DLGAP2: variants seen among roughly 807,000 people sequenced by gnomAD.
DLGAP2 encodes disks large-associated protein 2.
DLGAP2 carries 26 observed loss-of-function variants against 100.3 expected under a neutral mutation model. The observed-to-expected ratio is 0.26, with a 90% confidence interval of 0.19 to 0.36. The LOEUF (loss-of-function observed/expected upper bound fraction) is 0.36. Among genes scored for constraint, DLGAP2 ranks in the 10% least tolerant of loss-of-function variants. DLGAP2 has a pLI of 1.00. For missense variants in DLGAP2, 1,858 were observed against 1,453.2 expected, an observed-to-expected ratio of 1.28 and a Z score of -4.53; for synonymous variants, 886 against 630.1, an observed-to-expected ratio of 1.41 and a Z score of -6.08.
chr8:1,209,556 A>T (rs1233527238), intron 2 of DLGAP2, among the ~76,000 whole-genome samples: 1 of 152,170 alleles, frequency 6.6e-6, no homozygotes, highest in African/African-American at 2.4e-5. Context: ...ATACTACTCT[A>T]ATAAATTCCT....
chr8:1,646,530 G>T lies in DLGAP2; in HGVS notation c.1810+13484G>T, dbSNP rs190142061. 1.5e-3 allele frequency among the ~76,000 whole-genome samples: 230 copies of T among 152,178 alleles called. 1 individual carries two copies. In the Middle Eastern group the frequency reaches 0.027, roughly 18 times the overall value. ...ATACCCTTAAAGGGTATTTTTTCAG[G>T]TTCTGTATTTAAAATGATCAGAGAA... On this transcript the variant is annotated intron_variant, in intron 8 of 14. Coordinates refer to ENST00000637795, the MANE Select transcript of DLGAP2 (RefSeq NM_001346810.2).
chr8:1,479,613 T>C (rs1799033685), intron 3 of DLGAP2, among the ~76,000 whole-genome samples: 1 of 151,968 alleles, frequency 6.6e-6, no homozygotes, highest in East Asian at 1.9e-4. Context: ...AAGCAATAAA[T>C]GGTAGAGTTT....
At chr8:1,091,852 C>G (rs1804193254) in intron 2 of DLGAP2, among the ~76,000 whole-genome samples, 2 of 152,202 alleles carry the variant, frequency 1.3e-5, no homozygotes, top group African/African-American at 2.4e-5. Flanking sequence ...CCTGCCTTCC[C>G]CCTTTTCCCT....
At chr8:1,203,117 T>G (rs866670475) in intron 2 of DLGAP2, among the ~76,000 whole-genome samples, 52 of 147,638 alleles carry the variant, frequency 3.5e-4, no homozygotes, top group Middle Eastern at 3.5e-3. Context: ...TTTGTTTGTT[T>G]GTTAGTTCGT....
chr8:957,400 C>T (rs949250471), intron 2 of DLGAP2, among the ~76,000 whole-genome samples: 2 of 152,214 alleles, frequency 1.3e-5, no homozygotes, highest in East Asian at 3.9e-4. Flanking sequence ...CGCAGGGCTG[C>T]TGTGTCTTGG....
At chr8:1,618,902 G>A (rs1226360483) in intron 6 of DLGAP2, among the ~76,000 whole-genome samples, 2 of 152,104 alleles carry the variant, frequency 1.3e-5, no homozygotes, top group African/African-American at 4.8e-5. Flanking sequence ...CTAAATTGTG[G>A]CAAACTCAAA....
intron 3 of DLGAP2, among the ~76,000 whole-genome samples, chr8:1,324,887 G>A (rs28658015): frequency 0.19 from 29,645 of 152,162 alleles, 4,150 homozygotes; most frequent in African/African-American, 0.39. Flanking sequence ...CAAGAATAAA[G>A]GAAGACTCCA....
intron 3 of DLGAP2, among the ~76,000 whole-genome samples, chr8:1,454,276 C>T (rs1798243920): frequency 6.6e-6 from 1 of 152,202 alleles, no homozygotes; most frequent in Non-Finnish European, 1.5e-5. Flanking sequence ...TGGCCGAGTT[C>T]CACTGCCAGC....
intron 2 of DLGAP2, among the ~76,000 whole-genome samples, chr8:1,204,119 G>T (rs1403141063): frequency 6.6e-6 from 1 of 152,242 alleles, no homozygotes; most frequent in Admixed American, 6.5e-5. Flanking sequence ...CTCTGAAAAG[G>T]TTGCCATACA....
At position 1,302,417 on chromosome 8, in the gene DLGAP2, C is replaced by A. The variant is rs1554438365; in HGVS notation, c.106+43534C>A. ...CGGACTCAGCATTTTCTGTGAGTTC[C>A]CGAGCTCTGCTCCACACCTGGGACC... On this transcript the variant is annotated intron_variant, in intron 3 of 14. Transcript: ENST00000637795. 6.0e-5 allele frequency: 7 copies of A among 116,012 alleles called. 1 individual carries two copies. The highest frequency in any genetic ancestry group is 1.9e-4 in the African/African-American group (6 of 31,940). The allele number at this position is 116,012 out of a possible 1,614,324, so 7.2% of individuals were successfully genotyped here. A position where few individuals can be genotyped will look rare whatever the true frequency, so the allele number is the denominator to read the frequency against.
chr8:1,485,238 A>C (rs75489679), intron 3 of DLGAP2, among the ~76,000 whole-genome samples: 2,700 of 152,266 alleles, frequency 0.018, 79 homozygotes, highest in African/African-American at 0.059. Context: ...TTTTTTGTAT[A>C]ATTTTGATTA....
chr8:795,267 C>T (rs929607938), intron 1 of DLGAP2, among the ~76,000 whole-genome samples: 2 of 152,198 alleles, frequency 1.3e-5, no homozygotes, highest in African/African-American at 4.8e-5. Flanking sequence ...ATTTGTGTTT[C>T]TGCTTAGACA....
At chr8:1,596,028 C>T (rs1584970769) in intron 6 of DLGAP2, among the ~76,000 whole-genome samples, 1 of 149,948 alleles carries the variant, frequency 6.7e-6, no homozygotes, top group African/African-American at 2.5e-5. Context: ...CCCTAGCTCC[C>T]CACCCCCCAA....
chr8:1,321,451 G>A (rs1429434849), intron 3 of DLGAP2, among the ~76,000 whole-genome samples: 2 of 152,172 alleles, frequency 1.3e-5, no homozygotes, highest in Non-Finnish European at 1.5e-5. Context: ...GTCTCTGCAT[G>A]TGTGCGTGCA....
intron 6 of DLGAP2, among the ~76,000 whole-genome samples, chr8:1,624,613 A>G (rs935810039): frequency 7.2e-5 from 11 of 151,870 alleles, no homozygotes; most frequent in African/African-American, 2.7e-4. Flanking sequence ...AGCCAAGGTC[A>G]GGGATCCGTG....
At chr8:889,347 G>T (rs1052004737) in intron 1 of DLGAP2, among the ~76,000 whole-genome samples, 2 of 152,238 alleles carry the variant, frequency 1.3e-5, no homozygotes, top group South Asian at 4.2e-4. Context: ...TTCACTGCAG[G>T]GAAGCACATG....
At chr8:1,512,331 T>G (rs1013629365) in intron 4 of DLGAP2, among the ~76,000 whole-genome samples, 3 of 152,208 alleles carry the variant, frequency 2.0e-5, no homozygotes, top group Admixed American at 6.5e-5. Context: ...ATCAAAGTTG[T>G]TTATTTCACA....
intron 2 of DLGAP2, among the ~76,000 whole-genome samples, chr8:950,207 G>T (rs1399834341): frequency 6.6e-6 from 1 of 152,116 alleles, no homozygotes; most frequent in Admixed American, 6.5e-5. Context: ...AGTTAATTTT[G>T]TGATCTCAAG....
chr8:752,011 C>G (rs557340241), intron 1 of DLGAP2, among the ~76,000 whole-genome samples: 6 of 152,306 alleles, frequency 3.9e-5, no homozygotes, highest in African/African-American at 1.4e-4. Flanking sequence ...AAGAAGTGGT[C>G]ATTTGCTTCT....
Sources: allele counts gnomAD v4.1 joint callset (sites outside exome capture counted in the v4.1 genomes callset), GRCh38; gene constraint gnomAD v4.1.1; transcripts MANE v1.5; gene names NCBI Gene and HGNC (gene_info 2026-07-23, HGNC 2026-07-21).